Variants in DENND1B observed in about 807,000 individuals in gnomAD.
The protein encoded by DENND1B is DENN domain containing 1B, also known as DENN domain-containing protein 1B.
A neutral mutation model predicts 90.1 loss-of-function variants in DENND1B; 59 were observed. The observed-to-expected ratio is 0.65, with a 90% confidence interval of 0.53 to 0.81. The LOEUF is 0.81. Among genes scored for constraint, DENND1B ranks in the 40% least tolerant of loss-of-function variants. The pLI, the probability that DENND1B is intolerant of heterozygous loss-of-function variation, is 0.00. For synonymous variants in DENND1B, 337 were observed against 324.6 expected (o/e 1.04, Z -0.41); for missense variants, 862 against 912.6 (o/e 0.94, Z 0.71).
chr1:197,668,747 C>T (rs1655192141), intron 5 of DENND1B, among the ~76,000 whole-genome samples: 1 of 151,880 alleles, frequency 6.6e-6, no homozygotes, highest in Non-Finnish European at 1.5e-5. Flanking sequence ...CTTTTCTCCT[C>T]ACTCTTAGAA....
chr1:197,534,629 C>T lies in DENND1B; in HGVS notation c.1515+5335G>A, dbSNP rs145493017. Among the ~76,000 whole-genome samples, 176 of 152,260 alleles carry T rather than the reference C, an allele frequency of 1.2e-3. 1 individual carries two copies. In the East Asian group the frequency reaches 0.015, roughly 13 times the overall value. Reference sequence around the variant, plus strand: ...TTAACAGCTTCTTAACTACATTTAACATTTTCTCTGCCTTAAAACTTACCT... The same window carrying T: ...TTAACAGCTTCTTAACTACATTTAATATTTTCTCTGCCTTAAAACTTACCT... On this transcript the variant is annotated intron_variant, in intron 20 of 22. Transcript: ENST00000620048.
At chr1:197,766,147 C>T (rs1252197069) in intron 2 of DENND1B, among the ~76,000 whole-genome samples, 1 of 152,142 alleles carries the variant, frequency 6.6e-6, no homozygotes, top group African/African-American at 2.4e-5. Context: ...GTTGCCCAGC[C>T]TGGTCTTGAT....
rs950872735 is a variant in DENND1B, at chr1:197,531,199, CA to C, written c.1515+8764del. On this transcript the variant is annotated intron_variant, in intron 20 of 22. Coordinates refer to ENST00000620048, the MANE Select transcript of DENND1B (RefSeq NM_001195215.2). ...CATACACAGACAGCCTCACTGTTAT[CA>C]AAAAACTGTCCATCTTTTCCAGGTC... Among the ~76,000 whole-genome samples the C allele has an allele frequency of 2.4e-3, 371 of 152,282 alleles. 7 individuals are homozygous for C. Among genetic ancestry groups the C allele is most frequent in the Non-Finnish European group, 5.7e-4 (39 of 68,004 alleles).
At chr1:197,618,276 C>A (rs1350358238) in intron 10 of DENND1B, among the ~76,000 whole-genome samples, 2 of 151,136 alleles carry the variant, frequency 1.3e-5, no homozygotes, top group Non-Finnish European at 3.0e-5. Context: ...ACAGTTGGAG[C>A]TTCAGTAATG....
intron 22 of DENND1B, among the ~76,000 whole-genome samples, chr1:197,511,189 T>C (rs1157539933): frequency 6.6e-6 from 1 of 151,774 alleles, no homozygotes; most frequent in African/African-American, 2.4e-5. Context: ...ACCTAACAAA[T>C]TCAAACTAGA....
intron 16 of DENND1B, among the ~76,000 whole-genome samples, chr1:197,547,532 TC>T (rs1261709156): frequency 1.3e-5 from 2 of 152,160 alleles, no homozygotes; most frequent in African/African-American, 4.8e-5. Flanking sequence ...AAAAGAAATA[TC>T]AAAAAACAAT....
intron 2 of DENND1B, among the ~76,000 whole-genome samples, chr1:197,727,197 T>C (rs552605608): frequency 6.6e-6 from 1 of 152,320 alleles, no homozygotes; most frequent in South Asian, 2.1e-4. Flanking sequence ...CTGAACATGC[T>C]TACTAATAAT....
chr1:197,539,323 A>G (rs1353829222), intron 20 of DENND1B, among the ~76,000 whole-genome samples: 1 of 152,174 alleles, frequency 6.6e-6, no homozygotes, highest in African/African-American at 2.4e-5. Flanking sequence ...CAGTCCACTC[A>G]AGAATTCTTT....
chr1:197,692,102 T>C (rs1307754616), intron 3 of DENND1B, among the ~76,000 whole-genome samples: 1 of 151,606 alleles, frequency 6.6e-6, no homozygotes. Flanking sequence ...GTTTATAGAG[T>C]AGATCTCATG....
chr1:197,574,174 T>C (rs1386797746), intron 15 of DENND1B, among the ~76,000 whole-genome samples: 8 of 152,170 alleles, frequency 5.3e-5, no homozygotes. Flanking sequence ...GATGACATGA[T>C]TGTCTATTTA....
upstream of DENND1B, among the ~76,000 whole-genome samples, chr1:197,779,768 TA>T (rs202102779): frequency 6.6e-6 from 1 of 151,560 alleles, no homozygotes; most frequent in Non-Finnish European, 1.5e-5. Context: ...TTTAATTTAT[TA>T]AAAATATTTA....
intron 2 of DENND1B, among the ~76,000 whole-genome samples, chr1:197,719,566 C>CA (rs1178045192): frequency 6.6e-6 from 1 of 152,096 alleles, no homozygotes; most frequent in Non-Finnish European, 1.5e-5. Flanking sequence ...CTAAAACACA[C>CA]AAAAAAGCTG....
chr1:197,527,094 T>C (rs138070540), intron 20 of DENND1B, among the ~76,000 whole-genome samples: 77 of 152,250 alleles, frequency 5.1e-4, no homozygotes, highest in African/African-American at 1.9e-3. Context: ...ACATTAACAA[T>C]ATGGAGAGTG....
chr1:197,546,822 T>C (rs1291516096), intron 16 of DENND1B, 49 bp from the exon 17 acceptor site: 2 of 1,493,482 alleles, frequency 1.3e-6, no homozygotes, highest in Non-Finnish European at 1.8e-6. Flanking sequence ...CAAAAATAAA[T>C]CTGTAAACCA....
At chr1:197,576,048 T>C (rs1248275615) in intron 15 of DENND1B, among the ~76,000 whole-genome samples, 1 of 152,014 alleles carries the variant, frequency 6.6e-6, no homozygotes, top group South Asian at 2.1e-4. Flanking sequence ...ACCTGCACAT[T>C]GTGCACATGT....
intron 20 of DENND1B, among the ~76,000 whole-genome samples, chr1:197,538,533 TACTC>T (rs972959675): frequency 2.5e-4 from 38 of 152,184 alleles, no homozygotes; most frequent in Admixed American, 2.1e-3. Context: ...CACGAGGAAA[TACTC>T]AGTATGTTAC....
chr1:197,547,195 G>T (rs1036932898), intron 16 of DENND1B, among the ~76,000 whole-genome samples: 13 of 152,114 alleles, frequency 8.5e-5, no homozygotes, highest in Admixed American at 3.9e-4. Context: ...TTGAGCCCAG[G>T]AGTTCAAGGT....
chr1:197,585,013 T>G (rs1279306812), intron 14 of DENND1B, among the ~76,000 whole-genome samples: 1 of 152,186 alleles, frequency 6.6e-6, no homozygotes, highest in Non-Finnish European at 1.5e-5. Flanking sequence ...ACCTTTAAAT[T>G]ACATATTTTT....
intron 6 of DENND1B, 48 bp downstream of exon 6, chr1:197,658,252 G>A (rs775813682): frequency 3.5e-6 from 5 of 1,431,616 alleles, no homozygotes; most frequent in South Asian, 1.2e-5. Flanking sequence ...TAAGTTTTGT[G>A]TTATAAGTAT....
Sources: allele counts gnomAD v4.1 joint callset (sites outside exome capture counted in the v4.1 genomes callset), GRCh38; gene constraint gnomAD v4.1.1; transcripts MANE v1.5; gene names NCBI Gene and HGNC (gene_info 2026-07-23, HGNC 2026-07-21).